Variants in TMEM45B observed in about 807,000 individuals in gnomAD.
The protein encoded by TMEM45B is transmembrane protein 45B.
In TMEM45B, 29 loss-of-function variants were observed where a neutral mutation model predicts 27.3. The ratio of observed to expected loss-of-function variants is 1.06; its 90% CI spans 0.79 to 1.45. TMEM45B has a LOEUF of 1.45. Ranked by LOEUF, TMEM45B falls within the 40% of genes most tolerant of loss-of-function variation. The pLI, the probability that TMEM45B is intolerant of heterozygous loss-of-function variation, is 0.00. For synonymous variants in TMEM45B, 143 were observed against 134.7 expected (o/e 1.06, Z -0.43); for missense variants, 348 against 343.9 (o/e 1.01, Z -0.09).
rs532337578 is a variant in TMEM45B, at chr11:129,837,047, C to T, written c.-8-15428C>T. On this transcript the variant is annotated intron_variant, in intron 1 of 5. Transcript: ENST00000281441. ...GGCCCCACAACCAAGACCCCTGTGG[C>T]CCAGAGTCTCAGCAATGCCGAGGCT... 1.5e-3 allele frequency among the ~76,000 whole-genome samples: 232 copies of T among 152,314 alleles called. 1 individual carries two copies. Among genetic ancestry groups the T allele is most frequent in the African/African-American group, 4.9e-3 (203 of 41,570 alleles).
In TMEM45B at chr11:129,819,405, C is replaced by T. The variant is rs1050553403; in HGVS notation, c.-9+3507C>T. Among the ~76,000 whole-genome samples, 6 of 152,334 alleles carry T rather than the reference C, an allele frequency of 3.9e-5. No homozygotes were observed. In the East Asian group the frequency reaches 1.2e-3, roughly 29 times the overall value. ...GTTCCGATATGAACGTCATCTGAGA[C>T]AGGCTCCTTGTGTCTTCCCGCACCA... On this transcript the variant is annotated intron_variant, in intron 1 of 5. Transcript: ENST00000281441.
At chr11:129,856,062 G>A (rs1222967839) in intron 4 of TMEM45B, among the ~76,000 whole-genome samples, 170 bp downstream of exon 4, 1 of 152,126 alleles carries the variant, frequency 6.6e-6, no homozygotes, top group African/African-American at 2.4e-5. Context: ...TTGACTCCTA[G>A]TTTTATCCAT....
chr11:129,852,448 C>T, intron 1 of TMEM45B, 27 bp from the exon 2 acceptor site: 1 of 1,570,662 alleles, frequency 6.4e-7, no homozygotes, highest in Non-Finnish European at 8.7e-7. Flanking sequence ...TCATTAGCCA[C>T]CTAACAGCCT....
At chr11:129,822,027 G>A (rs1163383255) in intron 1 of TMEM45B, among the ~76,000 whole-genome samples, 1 of 151,838 alleles carries the variant, frequency 6.6e-6, no homozygotes, top group East Asian at 1.9e-4. Context: ...TCTGAAAATG[G>A]GATCTCTTGG....
At chr11:129,850,871 T>G (rs1366992721) in intron 1 of TMEM45B, among the ~76,000 whole-genome samples, 1 of 152,204 alleles carries the variant, frequency 6.6e-6, no homozygotes, top group Non-Finnish European at 1.5e-5. Context: ...TTTTCAGCAC[T>G]CACTTCAAAG....
intron 1 of TMEM45B, among the ~76,000 whole-genome samples, chr11:129,849,673 G>A (rs1159883098): frequency 2.0e-5 from 3 of 152,202 alleles, no homozygotes; most frequent in African/African-American, 4.8e-5. Flanking sequence ...TGCGCCCTCT[G>A]GAGCAGTGGC....
chr11:129,833,708 G>GA (rs1399735918), intron 1 of TMEM45B, among the ~76,000 whole-genome samples: 1 of 152,140 alleles, frequency 6.6e-6, no homozygotes, highest in Admixed American at 6.5e-5. Context: ...CCAGAAGGCG[G>GA]AGGTTGCAGT....
intron 1 of TMEM45B, among the ~76,000 whole-genome samples, chr11:129,836,333 C>G (rs1947619567): frequency 6.6e-6 from 1 of 152,110 alleles, no homozygotes; most frequent in South Asian, 2.1e-4. Flanking sequence ...AAATCTCACC[C>G]ATACCTGGTT....
In TMEM45B at chr11:129,855,813, A is replaced by G; in HGVS notation, c.491A>G (p.Glu164Gly). The change falls in exon 4 of 6, where the codon GAG (glutamate) becomes GGG (glycine). Residue 164 changes from glutamate to glycine, a missense_variant. Coordinates refer to ENST00000281441, the MANE Select transcript of TMEM45B (RefSeq NM_138788.5). ...LFGGCVSISL[E>G]VIFRDHIVLE... ...GGAGGGTGTGTTAGTATCTCCCTAG[A>G]GGTGATCTTCCGGGACCACATTGTG... The G allele has an allele frequency of 6.2e-7, 1 of 1,614,048 alleles. No homozygotes were observed.
chr11:129,840,946 TAAAA>T lies in TMEM45B; in HGVS notation c.-8-11508_-8-11505del, dbSNP rs55905045. Among the ~76,000 whole-genome samples, 7 of 29,256 alleles carry T rather than the reference TAAAA, an allele frequency of 2.4e-4. 1 individual carries two copies. Among genetic ancestry groups the T allele is most frequent in the Admixed American group, 1.3e-3 (3 of 2,340 alleles). The allele number at this position is 29,256 out of a possible 152,430, so 19.2% of individuals were successfully genotyped here. The stretch of plus-strand genomic sequence containing the variant: ...CAAAGAGGCAGGCAATTTCTTTCTG[TAAAA>T]AAAAAAAAAAAAAAAAAAAAGCAAC... On this transcript the variant is annotated intron_variant, in intron 1 of 5. Transcript: ENST00000281441.
chr11:129,817,616 G>T (rs560258484), intron 1 of TMEM45B, among the ~76,000 whole-genome samples: 2 of 152,282 alleles, frequency 1.3e-5, no homozygotes, highest in South Asian at 4.2e-4. Flanking sequence ...GATGGAAACA[G>T]TGCCCCCACT....
intron 1 of TMEM45B, among the ~76,000 whole-genome samples, chr11:129,838,494 G>A (rs971144941): frequency 6.6e-6 from 1 of 152,058 alleles, no homozygotes; most frequent in African/African-American, 2.4e-5. Context: ...ACGGAGTTTC[G>A]CTCTTGTCGC....
chr11:129,831,650 T>G (rs570944271), intron 1 of TMEM45B, among the ~76,000 whole-genome samples: 1 of 152,338 alleles, frequency 6.6e-6, no homozygotes, highest in South Asian at 2.1e-4. Context: ...AAAACATCTG[T>G]ACACACAAAA....
intron 1 of TMEM45B, among the ~76,000 whole-genome samples, chr11:129,821,984 T>C (rs1243774335): frequency 6.6e-6 from 1 of 152,206 alleles, no homozygotes; most frequent in African/African-American, 2.4e-5. Context: ...TTCCTCGTTC[T>C]TTCTTTCTGA....
intron 1 of TMEM45B, among the ~76,000 whole-genome samples, chr11:129,830,567 A>C (rs1468286897): frequency 6.6e-6 from 1 of 152,206 alleles, no homozygotes; most frequent in East Asian, 1.9e-4. Context: ...GGGAGAAAAT[A>C]TTTGCAAATA....
chr11:129,850,025 G>A (rs1449158264), intron 1 of TMEM45B, among the ~76,000 whole-genome samples: 1 of 151,982 alleles, frequency 6.6e-6, no homozygotes, highest in African/African-American at 2.4e-5. Flanking sequence ...CCATACCCGT[G>A]GTTTTCTCTC....
intron 1 of TMEM45B, 24 bp from the exon 2 acceptor site, chr11:129,852,450 TA>T: frequency 6.3e-7 from 1 of 1,574,954 alleles, no homozygotes; most frequent in Non-Finnish European, 8.7e-7. Flanking sequence ...ATTAGCCACC[TA>T]ACAGCCTTCC....
chr11:129,853,221 C>T (rs1454546100), intron 2 of TMEM45B, among the ~76,000 whole-genome samples: 1 of 152,184 alleles, frequency 6.6e-6, no homozygotes, highest in Non-Finnish European at 1.5e-5. Context: ...ACAAGATCCA[C>T]CCACTCCCAC....
At chr11:129,832,689 C>T (rs1947564947) in intron 1 of TMEM45B, among the ~76,000 whole-genome samples, 1 of 151,832 alleles carries the variant, frequency 6.6e-6, no homozygotes, top group Non-Finnish European at 1.5e-5. Context: ...CCAAAAAATA[C>T]CAAATTAAAC....
Sources: gnomAD v4.1 joint callset for allele counts (sites outside exome capture counted in the v4.1 genomes callset) on GRCh38, gnomAD v4.1.1 for gene constraint, MANE v1.5 for transcripts, NCBI Gene and HGNC (gene_info 2026-07-23, HGNC 2026-07-21) for gene names.